The following MTHFD1L variants were observed in gnomAD, a reference collection of about 807,000 sequenced individuals.
The protein encoded by MTHFD1L is monofunctional C1-tetrahydrofolate synthase, mitochondrial.
A neutral mutation model predicts 119.5 loss-of-function variants in MTHFD1L; 81 were observed. The observed-to-expected ratio is 0.68, with a 90% confidence interval of 0.57 to 0.82. The LOEUF is 0.82. Ranked by LOEUF, MTHFD1L falls within the 40% of genes least tolerant of loss-of-function variation. The pLI, the probability that MTHFD1L is intolerant of heterozygous loss-of-function variation, is 0.00. For missense variants in MTHFD1L, 1,125 were observed against 1,253.4 expected, an observed-to-expected ratio of 0.90 and a Z score of 1.55; for synonymous variants, 430 against 475.2, an observed-to-expected ratio of 0.90 and a Z score of 1.24.
In MTHFD1L at chr6:150,926,560, C is replaced by T. The variant is rs1490177234; in HGVS notation, c.1256+265C>T. 1.3e-5 allele frequency among the ~76,000 whole-genome samples: 2 copies of T among 152,156 alleles called. No individual in the cohort carries two copies. The highest frequency in any genetic ancestry group is 2.4e-5 in the African/African-American group (1 of 41,432). On this transcript the variant is annotated intron_variant, in intron 11 of 27. Transcript: ENST00000367321. The surrounding 1 kb of genome is among the most constrained non-coding windows in gnomAD (Gnocchi z 4.3). ...TATTATGTTGTTATTACCCCTGCTC[C>T]TCCTTGACTTTTTGAATTTCATTTT...
intron 1 of MTHFD1L, chr6:150,866,461 C>T (rs1223796674): frequency 9.1e-6 from 12 of 1,317,040 alleles, no homozygotes; most frequent in South Asian, 6.2e-5. Flanking sequence ...GGCTGCGGCT[C>T]GGCGCGCCGG....
intron 24 of MTHFD1L, among the ~76,000 whole-genome samples, chr6:151,019,609 G>A (rs1444970253): frequency 6.6e-6 from 1 of 152,094 alleles, no homozygotes; most frequent in African/African-American, 2.4e-5. Context: ...CACACTTCTC[G>A]CTTTTCTTGT....
rs186779659 is a variant in MTHFD1L at position 151,042,295 on chromosome 6, C to T, written c.2847+5178C>T. ...ATGTATTCTTCCCTCTTTTTTATGA[C>T]ATGATACATATTATTGAAAGCTAGG... On this transcript the variant is annotated intron_variant, in intron 26 of 27. Coordinates refer to ENST00000367321, the MANE Select transcript of MTHFD1L (RefSeq NM_015440.5). 5.3e-4 allele frequency among the ~76,000 whole-genome samples: 81 copies of T among 152,028 alleles called. 2 individuals are homozygous for T. Among genetic ancestry groups the T allele is most frequent in the South Asian group, 2.1e-4 (1 of 4,824 alleles).
At chr6:151,038,894 A>G (rs1181211019) in intron 26 of MTHFD1L, among the ~76,000 whole-genome samples, 1 of 152,220 alleles carries the variant, frequency 6.6e-6, no homozygotes, top group Non-Finnish European at 1.5e-5. Context: ...GCAGATTGGC[A>G]GAGCCAGAAA....
intron 20 of MTHFD1L, among the ~76,000 whole-genome samples, chr6:150,976,114 C>T (rs1776525113): frequency 1.3e-5 from 2 of 152,128 alleles, no homozygotes; most frequent in African/African-American, 2.4e-5. Context: ...GCAGGAGAAT[C>T]GCTTGAACCC....
intron 20 of MTHFD1L, among the ~76,000 whole-genome samples, chr6:150,994,175 CA>C (rs2128451825): frequency 6.6e-6 from 1 of 151,950 alleles, no homozygotes; most frequent in African/African-American, 2.4e-5. Context: ...GCTGGTTTAG[CA>C]ACTCCTTGAT....
rs147050807 is a variant in MTHFD1L, at chr6:151,005,503, G to A, written c.2126-4316G>A. ...TTTGCATTTGGAAGCCAAACTCCTC[G>A]AACCTTTACTTCTGCATGTTGTTTT... is the stretch of plus-strand genomic sequence containing the variant. On this transcript the variant is annotated intron_variant, in intron 20 of 27. Transcript: ENST00000367321. Among the ~76,000 whole-genome samples the A allele has an allele frequency of 3.9e-5, 6 of 152,172 alleles. No individual in the cohort carries two copies. The East Asian group carries it at 5.8e-4, about 15-fold the overall frequency.
chr6:151,005,362 C>G (rs933679708), intron 20 of MTHFD1L, among the ~76,000 whole-genome samples: 1 of 152,078 alleles, frequency 6.6e-6, no homozygotes, highest in African/African-American at 2.4e-5. Context: ...CCTTGGCAGC[C>G]TGATATTTGA....
At chr6:150,937,038 A>G (rs1241633454) in intron 12 of MTHFD1L, 98 bp downstream of exon 12, 2 of 1,430,526 alleles carry the variant, frequency 1.4e-6, no homozygotes, top group Non-Finnish European at 1.9e-6. Context: ...AAGACTTTTC[A>G]GGGGACTTGG....
intron 26 of MTHFD1L, among the ~76,000 whole-genome samples, chr6:151,089,043 G>T (rs73622478): frequency 1.2e-4 from 18 of 152,068 alleles, no homozygotes; most frequent in African/African-American, 1.9e-4. Flanking sequence ...GTTTGTCACC[G>T]TGAGTAGAGA....
At chr6:151,005,521 G>A (rs573507556) in intron 20 of MTHFD1L, among the ~76,000 whole-genome samples, 1 of 152,222 alleles carries the variant, frequency 6.6e-6, no homozygotes, top group African/African-American at 2.4e-5. Context: ...ACTTCTGCAT[G>A]TTGTTTTCGT....
intron 7 of MTHFD1L, among the ~76,000 whole-genome samples, chr6:150,903,526 TC>T (rs1785419104): frequency 6.6e-6 from 1 of 152,060 alleles, no homozygotes; most frequent in Non-Finnish European, 1.5e-5. Context: ...AAGCGATCCT[TC>T]CACCTCAACC....
At chr6:151,035,597 G>A (rs1424922786) in intron 25 of MTHFD1L, among the ~76,000 whole-genome samples, 1 of 152,088 alleles carries the variant, frequency 6.6e-6, no homozygotes, top group Admixed American at 6.5e-5. Context: ...CTGTGCACAG[G>A]CATTGTGGTG....
chr6:150,904,305 C>G (rs1015484382), intron 7 of MTHFD1L, among the ~76,000 whole-genome samples: 1 of 152,068 alleles, frequency 6.6e-6, no homozygotes, highest in African/African-American at 2.4e-5. Flanking sequence ...CTGTTTGACC[C>G]CAGAGACTCT....
intron 19 of MTHFD1L, among the ~76,000 whole-genome samples, chr6:150,970,845 A>G (rs1251763286): frequency 6.6e-6 from 1 of 152,118 alleles, no homozygotes; most frequent in African/African-American, 2.4e-5. Context: ...ACATTCCAAT[A>G]TTTTTTTCTC....
chr6:150,895,253 G>A (rs1366294674), intron 7 of MTHFD1L, among the ~76,000 whole-genome samples: 1 of 152,218 alleles, frequency 6.6e-6, no homozygotes, highest in East Asian at 1.9e-4. Flanking sequence ...GCCAAAACCA[G>A]TCTGAAGTGG....
In MTHFD1L at chr6:150,918,558, T is replaced by A. The variant is rs200444309; in HGVS notation, c.893-19T>A. 8.8e-6 allele frequency: 14 copies of A among 1,582,698 alleles called. No homozygotes were observed. The East Asian group carries it at 2.0e-4, about 23-fold the overall frequency. ...GACAGTGTACTGAAAGTCTTTTTTT[T>A]CCCTCCAATTTTTTACAGGGAAGGT... On this transcript the variant is annotated intron_variant, in intron 8 of 27. Transcript: ENST00000367321.
Position 151,047,548 on chromosome 6 carries a change from C to T in MTHFD1L, c.2847+10431C>T, listed in dbSNP as rs550931753. The stretch of plus-strand genomic sequence containing the variant: ...TTTGCTGGGGTTTCTGCATTAAGTA[C>T]GCTTCCCAGGCCATTTGTAATGAAG... On this transcript the variant is annotated intron_variant, in intron 26 of 27. Coordinates refer to ENST00000367321, the MANE Select transcript of MTHFD1L (RefSeq NM_015440.5). Among the ~76,000 whole-genome samples the T allele has an allele frequency of 3.0e-4, 46 of 152,256 alleles. 1 individual carries two copies. In the East Asian group the frequency reaches 4.8e-3, roughly 16 times the overall value.
intron 24 of MTHFD1L, among the ~76,000 whole-genome samples, chr6:151,027,796 T>A (rs1424381698): frequency 6.6e-6 from 1 of 152,204 alleles, no homozygotes; most frequent in Non-Finnish European, 1.5e-5. Flanking sequence ...GATTATTTCC[T>A]TAATTGTACT....
Sources: gnomAD v4.1 joint callset for allele counts (sites outside exome capture counted in the v4.1 genomes callset) on GRCh38, gnomAD v4.1.1 for gene constraint, Gnocchi (gnomAD v3.1) non-coding constraint, MANE v1.5 for transcripts, NCBI Gene and HGNC (gene_info 2026-07-23, HGNC 2026-07-21) for gene names.